Variants in CACNA2D4 observed in about 807,000 individuals in gnomAD.
CACNA2D4 encodes the protein voltage-dependent calcium channel subunit alpha-2/delta-4.
In CACNA2D4, 157 loss-of-function variants were observed where a neutral mutation model predicts 163.8. That is an observed-to-expected ratio of 0.96 (90% confidence interval 0.84 to 1.09). The LOEUF (loss-of-function observed/expected upper bound fraction) is 1.09, where lower values mean the gene tolerates loss of function less well. Ranked by LOEUF, CACNA2D4 falls within the 50% of genes least tolerant of loss-of-function variation. The pLI is 0.00. For missense variants in CACNA2D4, 1,410 were observed against 1,479.9 expected (o/e 0.95, Z 0.78); for synonymous variants, 598 against 586.9 (o/e 1.02, Z -0.27).
At chr12:1,893,392 G>T (rs1015859540) in intron 6 of CACNA2D4, among the ~76,000 whole-genome samples, 1 of 152,080 alleles carries the variant, frequency 6.6e-6, no homozygotes, top group Non-Finnish European at 1.5e-5. Context: ...GGTGGTGGGC[G>T]CCTGTAATCC....
intron 29 of CACNA2D4, among the ~76,000 whole-genome samples, chr12:1,803,058 C>T (rs982440629): frequency 2.0e-5 from 3 of 152,124 alleles, no homozygotes; most frequent in Non-Finnish European, 2.9e-5. Context: ...TTTCTAGCTG[C>T]CAGGGCCCAA....
chr12:1,802,086 G>A lies in CACNA2D4; in HGVS notation c.2722-442C>T, dbSNP rs989790547. On this transcript the variant is annotated intron_variant, in intron 29 of 37. Coordinates refer to ENST00000382722, the MANE Select transcript of CACNA2D4 (RefSeq NM_172364.5). The surrounding 1 kb of genome is among the most constrained non-coding windows in gnomAD (Gnocchi z 4.7). ...TGGGTCAGATATAAAACACGTTTCT[G>A]CAGGTCAAGGTCAGAAGCAGCGCCT... 1.3e-5 allele frequency among the ~76,000 whole-genome samples: 2 copies of A among 151,362 alleles called. No individual in the cohort carries two copies. Among genetic ancestry groups the A allele is most frequent in the South Asian group, 2.1e-4 (1 of 4,764 alleles).
At chr12:1,842,343 G>A (rs1393435081) in intron 25 of CACNA2D4, among the ~76,000 whole-genome samples, 1 of 152,126 alleles carries the variant, frequency 6.6e-6, no homozygotes, top group Non-Finnish European at 1.5e-5. Context: ...ACCAGGCCCC[G>A]GCAAAGGGCA....
chr12:1,836,937 C>T (rs1315289863), intron 26 of CACNA2D4, among the ~76,000 whole-genome samples: 3 of 152,166 alleles, frequency 2.0e-5, no homozygotes, highest in African/African-American at 7.2e-5. Context: ...GGGCGGAGGC[C>T]GAGTCCTGGA....
At chr12:1,896,570 T>C (rs1866405175) in intron 6 of CACNA2D4, among the ~76,000 whole-genome samples, 1 of 150,526 alleles carries the variant, frequency 6.6e-6, no homozygotes, top group South Asian at 2.1e-4. Flanking sequence ...ACTACAAAGA[T>C]ATATCATCTC....
At position 1,799,805 on chromosome 12, in the gene CACNA2D4, T is replaced by C; in HGVS notation, c.2975-110A>G. ...GATGATGGCACATGGAGTGGCGGTG[T>C]CCCAAGATGATGTCACACACAGAGC... On this transcript the variant is annotated intron_variant, in intron 33 of 37. Coordinates refer to ENST00000382722, the MANE Select transcript of CACNA2D4 (RefSeq NM_172364.5). The surrounding 1 kb of genome is among the most constrained non-coding windows in gnomAD (Gnocchi z 4.7). 1 of 1,402,752 alleles carries C rather than the reference T, an allele frequency of 7.1e-7. No individual in the cohort carries two copies. The highest frequency in any genetic ancestry group is 9.9e-7 in the Non-Finnish European group (1 of 1,014,186). 86.9% of individuals were successfully genotyped at this position (1,402,752 alleles called of 1,614,324 possible).
intron 35 of CACNA2D4, among the ~76,000 whole-genome samples, chr12:1,796,191 A>G (rs1037796597): frequency 1.3e-5 from 2 of 152,198 alleles, no homozygotes; most frequent in African/African-American, 4.8e-5. Context: ...CTTGGCCACC[A>G]GGTGGCGCAG....
chr12:1,901,344 G>A (rs942869726), intron 6 of CACNA2D4, among the ~76,000 whole-genome samples: 1 of 151,540 alleles, frequency 6.6e-6, no homozygotes, highest in Admixed American at 6.6e-5. Context: ...AAATAATAAA[G>A]ATCAAACAGA....
At chr12:1,821,643 G>C (rs1864107273) in intron 26 of CACNA2D4, among the ~76,000 whole-genome samples, 1 of 152,182 alleles carries the variant, frequency 6.6e-6, no homozygotes. Context: ...GCGGGGCCAG[G>C]CCTGCCTGGC....
intron 26 of CACNA2D4, among the ~76,000 whole-genome samples, chr12:1,822,950 G>A (rs766355979): frequency 1.3e-4 from 20 of 152,210 alleles, no homozygotes; most frequent in Admixed American, 2.6e-4. Context: ...GGAAGGGCAC[G>A]GCCCCTGCAG....
At chr12:1,811,481 G>C (rs913075441) in intron 27 of CACNA2D4, among the ~76,000 whole-genome samples, 181 bp downstream of exon 27, 1 of 152,204 alleles carries the variant, frequency 6.6e-6, no homozygotes, top group East Asian at 1.9e-4. Context: ...GCAGGGGCTG[G>C]GGACCAGCGC....
At chr12:1,870,765 A>AG (rs780749514) in intron 18 of CACNA2D4, among the ~76,000 whole-genome samples, 17 of 151,740 alleles carry the variant, frequency 1.1e-4, no homozygotes, top group Non-Finnish European at 2.1e-4. Flanking sequence ...GGGGGTTGGG[A>AG]GGGGGTCTGT....
Position 1,913,146 on chromosome 12 carries a change from G to C in CACNA2D4, c.310-7C>G. ...ACTCCACATCCTTGTACTTCTGTTT[G>C]GGGAAAGTGGGAGAGATGCGTGCAT... On this transcript the variant is annotated splice_polypyrimidine_tract_variant and splice_region_variant and intron_variant, in intron 2 of 37. Transcript: ENST00000382722. 6.3e-7 allele frequency: 1 copy of C among 1,592,300 alleles called. No homozygotes were observed. Among genetic ancestry groups the C allele is most frequent in the Non-Finnish European group, 8.6e-7 (1 of 1,160,208 alleles).
chr12:1,878,300 A>G lies in CACNA2D4; in HGVS notation c.1719+15T>C, dbSNP rs1342383515. On this transcript the variant is annotated intron_variant, in intron 16 of 37. Coordinates refer to ENST00000382722, the MANE Select transcript of CACNA2D4 (RefSeq NM_172364.5). This position sits in a 1 kb window ranked among gnomAD's most constrained non-coding sequence, Gnocchi z 4.6. ...ATACAGTAAGGATCCCAAGGCAAAG[A>G]AGATCTGTACCTACCAGGGGCCGGA... is the stretch of plus-strand genomic sequence containing the variant. The G allele has an allele frequency of 1.2e-6, 2 of 1,604,838 alleles. No homozygotes were observed. Among genetic ancestry groups the G allele is most frequent in the East Asian group, 4.5e-5 (2 of 44,608 alleles).
At chr12:1,854,493 C>T (rs1865358355) in intron 22 of CACNA2D4, among the ~76,000 whole-genome samples, 1 of 152,158 alleles carries the variant, frequency 6.6e-6, no homozygotes, top group Non-Finnish European at 1.5e-5. Context: ...TCAACCTCCG[C>T]CTCCCAGGTT....
chr12:1,809,198 C>A (rs770020851), intron 29 of CACNA2D4, among the ~76,000 whole-genome samples: 1 of 152,238 alleles, frequency 6.6e-6, no homozygotes, highest in African/African-American at 2.4e-5. Flanking sequence ...CCTGTTCCGA[C>A]GACTTCTTTG....
At chr12:1,812,547 TATA>T (rs1863746409) in intron 26 of CACNA2D4, among the ~76,000 whole-genome samples, 1 of 152,270 alleles carries the variant, frequency 6.6e-6, no homozygotes, top group Non-Finnish European at 1.5e-5. Context: ...TAGTGTCTGG[TATA>T]ATAATATCAA....
chr12:1,809,409 A>T, intron 29 of CACNA2D4: 2 of 632,468 alleles, frequency 3.2e-6, no homozygotes, highest in Non-Finnish European at 5.6e-6. Flanking sequence ...TCTAATTAGT[A>T]GCAAAGCTCA....
At position 1,799,217 on chromosome 12, in the gene CACNA2D4, C is replaced by G. The variant is rs557628903; in HGVS notation, c.2995+458G>C. ...CAGCCACCGGGCTTTGTGTTGGGGC[C>G]TCTCATGGTTGCTGCCTCTGGGGGA... On this transcript the variant is annotated intron_variant, in intron 34 of 37. Coordinates refer to ENST00000382722, the MANE Select transcript of CACNA2D4 (RefSeq NM_172364.5). This position sits in a 1 kb window ranked among gnomAD's most constrained non-coding sequence, Gnocchi z 4.7. Among the ~76,000 whole-genome samples, 8 of 152,314 alleles carry G rather than the reference C, an allele frequency of 5.3e-5. No homozygotes were observed. The highest frequency in any genetic ancestry group is 1.0e-4 in the Non-Finnish European group (7 of 68,026).
Sources: gnomAD v4.1 joint callset for allele counts (sites outside exome capture counted in the v4.1 genomes callset) on GRCh38, gnomAD v4.1.1 for gene constraint, Gnocchi (gnomAD v3.1) non-coding constraint, MANE v1.5 for transcripts, NCBI Gene and HGNC (gene_info 2026-07-23, HGNC 2026-07-21) for gene names.